TPD52: variants seen among roughly 807,000 people sequenced by gnomAD.
TPD52 encodes the protein prostate and colon associated protein.
Under a neutral mutation model 31.3 loss-of-function variants are expected in TPD52, and 17 were observed. The ratio of observed to expected loss-of-function variants is 0.54; its 90% confidence interval spans 0.37 to 0.82. The LOEUF (loss-of-function observed/expected upper bound fraction) is 0.82. Ranked by LOEUF, TPD52 falls within the 40% of genes least tolerant of loss-of-function variation. The probability of loss-of-function intolerance (pLI) is 0.00; values close to 1 mark genes in which losing one functional copy is unlikely to be tolerated. For missense variants in TPD52, 212 were observed against 240.1 expected (o/e 0.88, Z 0.77); for synonymous variants, 83 against 89.6 (o/e 0.93, Z 0.42).
intron 7 of TPD52, 100 bp downstream of exon 7, chr8:80,042,520 T>C: frequency 2.0e-6 from 3 of 1,524,278 alleles, no homozygotes; most frequent in South Asian, 2.6e-5. Flanking sequence ...TCTTTAGATA[T>C]TTTTAGAAAG....
At chr8:80,113,556 A>C (rs1304013399) in intron 1 of TPD52, among the ~76,000 whole-genome samples, 1 of 152,208 alleles carries the variant, frequency 6.6e-6, no homozygotes, top group Non-Finnish European at 1.5e-5. Context: ...TGAAGAGATG[A>C]AGAAAATGTG....
intron 1 of TPD52, among the ~76,000 whole-genome samples, chr8:80,120,822 G>A (rs1007545717): frequency 6.6e-6 from 1 of 152,176 alleles, no homozygotes; most frequent in African/African-American, 2.4e-5. Context: ...GTTCAGGCCT[G>A]TAATCCCAGC....
intron 1 of TPD52, among the ~76,000 whole-genome samples, chr8:80,170,748 G>A (rs1812023879): frequency 6.6e-6 from 1 of 152,124 alleles, no homozygotes; most frequent in Non-Finnish European, 1.5e-5. Context: ...CTCTATTTGG[G>A]GGTAATTTCA....
intron 1 of TPD52, among the ~76,000 whole-genome samples, chr8:80,137,782 G>A (rs1304591043): frequency 1.3e-5 from 2 of 152,124 alleles, no homozygotes; most frequent in Non-Finnish European, 2.9e-5. Context: ...TGGTCCTTCA[G>A]AATTTAAATA....
intron 1 of TPD52, among the ~76,000 whole-genome samples, chr8:80,149,475 T>C (rs986252275): frequency 2.6e-5 from 4 of 152,198 alleles, no homozygotes; most frequent in African/African-American, 4.8e-5. Context: ...AAAAGACTAA[T>C]AAATTGGCAC....
At chr8:80,086,260 A>C (rs1047090656) in intron 1 of TPD52, among the ~76,000 whole-genome samples, 1 of 151,230 alleles carries the variant, frequency 6.6e-6, no homozygotes, top group African/African-American at 2.4e-5. Context: ...CTGGGACTAC[A>C]AGCGCACACC....
chr8:80,040,552 G>A (rs1359470764), intron 7 of TPD52, among the ~76,000 whole-genome samples: 3 of 152,116 alleles, frequency 2.0e-5, no homozygotes, highest in Admixed American at 2.0e-4. Flanking sequence ...ATATTTTAAA[G>A]CAGACTTCAT....
At chr8:80,046,968 A>C (rs116488437) in intron 5 of TPD52, among the ~76,000 whole-genome samples, 3,668 of 152,312 alleles carry the variant, frequency 0.024, 161 homozygotes, top group African/African-American at 0.083. Context: ...AGGAGAAGGG[A>C]AAGTTAATGG....
intron 2 of TPD52, among the ~76,000 whole-genome samples, chr8:80,058,513 T>A (rs1380675016): frequency 6.6e-6 from 1 of 152,174 alleles, no homozygotes; most frequent in African/African-American, 2.4e-5. Flanking sequence ...TATAAAAATA[T>A]ATGGCTGGGC....
intron 1 of TPD52, among the ~76,000 whole-genome samples, chr8:80,068,862 A>C (rs993037286): frequency 3.9e-5 from 6 of 152,222 alleles, no homozygotes; most frequent in Non-Finnish European, 8.8e-5. Context: ...CTGTACAATT[A>C]ATCAGCCAGT....
intron 4 of TPD52, among the ~76,000 whole-genome samples, chr8:80,051,017 C>G (rs1396399103): frequency 6.9e-6 from 1 of 144,736 alleles, no homozygotes; most frequent in African/African-American, 2.6e-5. Flanking sequence ...AAAAAAAAAG[C>G]AACAACTCAA....
At chr8:80,138,185 C>T (rs898595102) in intron 1 of TPD52, among the ~76,000 whole-genome samples, 3 of 152,022 alleles carry the variant, frequency 2.0e-5, no homozygotes, top group African/African-American at 4.8e-5. Flanking sequence ...TCAGGTGATC[C>T]GCTCGCCTCA....
intron 1 of TPD52, among the ~76,000 whole-genome samples, chr8:80,157,712 G>A (rs1811067725): frequency 6.6e-6 from 1 of 152,178 alleles, no homozygotes; most frequent in African/African-American, 2.4e-5. Flanking sequence ...TCACCCAAAT[G>A]TCACCTCTAG....
chr8:80,093,844 A>G (rs1816479766), intron 1 of TPD52, among the ~76,000 whole-genome samples: 2 of 152,226 alleles, frequency 1.3e-5, no homozygotes, highest in South Asian at 4.1e-4. Flanking sequence ...TCCAAATTTC[A>G]CATACTTTCC....
chr8:80,053,578 T>C (rs532839310), intron 2 of TPD52, 148 bp from the exon 3 acceptor site: 2 of 863,596 alleles, frequency 2.3e-6, no homozygotes, highest in African/African-American at 1.7e-5. Context: ...ATAATGTTGT[T>C]GAGTAAACTG....
At chr8:80,043,523 G>T (rs1160398885) in intron 6 of TPD52, among the ~76,000 whole-genome samples, 1 of 152,180 alleles carries the variant, frequency 6.6e-6, no homozygotes, top group Non-Finnish European at 1.5e-5. Context: ...ACCAGCTGCT[G>T]CTGCAGCTAT....
chr8:80,101,034 G>T (rs1806692180), intron 1 of TPD52, among the ~76,000 whole-genome samples: 1 of 152,210 alleles, frequency 6.6e-6, no homozygotes, highest in African/African-American at 2.4e-5. Flanking sequence ...GCCATACCAA[G>T]TGTTACAGTG....
intron 1 of TPD52, among the ~76,000 whole-genome samples, chr8:80,160,713 C>T (rs1811285809): frequency 6.6e-6 from 1 of 151,994 alleles, no homozygotes; most frequent in Admixed American, 6.6e-5. Flanking sequence ...TGTGCTAAGG[C>T]CATCCATGTC....
intron 1 of TPD52, among the ~76,000 whole-genome samples, chr8:80,139,550 A>C (rs1347657089): frequency 1.3e-5 from 2 of 150,878 alleles, no homozygotes; most frequent in East Asian, 4.0e-4. Context: ...TCTGGGGCAT[A>C]TGCAACTTCA....
Sources: gnomAD v4.1 joint callset for allele counts (sites outside exome capture counted in the v4.1 genomes callset) on GRCh38, gnomAD v4.1.1 for gene constraint, MANE v1.5 for transcripts, NCBI Gene and HGNC (gene_info 2026-07-23, HGNC 2026-07-21) for gene names.